The following AFDN variants were observed in gnomAD, a reference collection of about 807,000 sequenced individuals.
The protein encoded by AFDN is afadin, adherens junction formation factor.
In AFDN, 68 loss-of-function variants were observed where a neutral mutation model predicts 216.6. The ratio of observed to expected loss-of-function variants is 0.31; its 90% confidence interval spans 0.26 to 0.38. AFDN has a LOEUF of 0.38. AFDN is among the 10% of genes least tolerant of loss of function. The pLI is 1.00. For synonymous variants in AFDN, 868 were observed against 853.7 expected, an observed-to-expected ratio of 1.02 and a Z score of -0.29; for missense variants, 2,136 against 2,342.0, an observed-to-expected ratio of 0.91 and a Z score of 1.82.
chr6:167,932,293 C>T, intron 23 of AFDN, among the ~76,000 whole-genome samples: 1 of 152,152 alleles, frequency 6.6e-6, no homozygotes, highest in South Asian at 2.1e-4. Context: ...GACTCGCCTT[C>T]CACACGGTGG....
At chr6:167,858,160 A>G (rs1411483480) in intron 1 of AFDN, among the ~76,000 whole-genome samples, 2 of 152,128 alleles carry the variant, frequency 1.3e-5, no homozygotes, top group Admixed American at 6.6e-5. Context: ...GTTTGGGTAG[A>G]TTTCTAATTC....
chr6:167,851,294 G>A (rs1237316750), intron 1 of AFDN, among the ~76,000 whole-genome samples: 1 of 152,000 alleles, frequency 6.6e-6, no homozygotes, highest in Non-Finnish European at 1.5e-5. Flanking sequence ...TAGGGTCAGG[G>A]GACATCTGCA....
chr6:167,942,169 C>CT (rs1275891569), intron 23 of AFDN, among the ~76,000 whole-genome samples: 1 of 151,594 alleles, frequency 6.6e-6, no homozygotes, highest in African/African-American at 2.4e-5. Context: ...GTAAACTTAA[C>CT]TTGTTAACTA....
rs1797972963 is a variant in AFDN, at chr6:167,970,793, T to A, written c.*858T>A. On this transcript the variant is annotated 3_prime_UTR_variant, in exon 34 of 34. Transcript: ENST00000683244. ...AGAAGATATCTTTATTGGAGCAATG[T>A]TCATGTGACTGGGAATGACAGAAGA... 1 of 219,648 alleles carries A rather than the reference T, an allele frequency of 4.6e-6. No individual in the cohort carries two copies. The highest frequency in any genetic ancestry group is 2.2e-5 in the African/African-American group (1 of 44,530). The allele number at this position is 219,648 out of a possible 1,614,324, so 13.6% of individuals were successfully genotyped here.
In AFDN at chr6:167,864,224, T is replaced by C. The variant is rs190903646; in HGVS notation, c.106-327T>C. 6 of 545,914 alleles carry C rather than the reference T, an allele frequency of 1.1e-5. No individual in the cohort carries two copies. In the African/African-American group the frequency reaches 1.1e-4, roughly 10 times the overall value. 33.8% of individuals were successfully genotyped at this position (545,914 alleles called of 1,614,324 possible). ...AAATAGGGTTAAATAATAGTATCTG[T>C]TGAGCTGCATTCTTATAAATATTGA... is the stretch of plus-strand genomic sequence containing the variant. On this transcript the variant is annotated intron_variant, in intron 1 of 33. Transcript: ENST00000683244.
At position 167,970,632 on chromosome 6, in the gene AFDN, T is replaced by G. The variant is rs1345671651; in HGVS notation, c.*697T>G. The G allele has an allele frequency of 4.8e-6, 1 of 210,196 alleles. No homozygotes were observed. Among genetic ancestry groups the G allele is most frequent in the African/African-American group, 2.3e-5 (1 of 43,964 alleles). 13.0% of individuals were successfully genotyped at this position (210,196 alleles called of 1,614,324 possible). ...ATTAATTTTAATTCTGAAAGAAAAT[T>G]TTGAGGATTTAAGCTTAGGGGATTT... On this transcript the variant is annotated 3_prime_UTR_variant, in exon 34 of 34. Transcript: ENST00000683244.
chr6:167,870,397 G>T lies in AFDN; in HGVS notation c.313G>T (p.Asp105Tyr). 6.3e-7 allele frequency: 1 copy of T among 1,597,122 alleles called. No individual in the cohort carries two copies. Among genetic ancestry groups the T allele is most frequent in the Non-Finnish European group, 8.6e-7 (1 of 1,169,000 alleles). The change falls in exon 3 of 34, where the codon GAT (aspartate) becomes TAT (tyrosine). Residue 105 changes from aspartate (D) to tyrosine (Y), a missense_variant. This residue lies in a region of AFDN where 817 missense variants were observed against 965.7 expected (regional missense o/e 0.85). Coordinates refer to ENST00000683244, the MANE Select transcript of AFDN (RefSeq NM_001386888.1). Reference protein sequence around the residue: ...EVHVSGERRLDIDEKPLVVQL... With the variant: ...EVHVSGERRLYIDEKPLVVQL... ...ATGTTTTGAAGAAGAAAGAAGATTG[G>T]ATATAGATGAGAAACCTCTAGTTGT...
rs1378227362 is a variant in AFDN, at chr6:167,852,346, T to C, written c.106-12205T>C. 2.6e-5 allele frequency among the ~76,000 whole-genome samples: 4 copies of C among 152,234 alleles called. No homozygotes were observed. The East Asian group carries it at 7.7e-4, about 29-fold the overall frequency. On this transcript the variant is annotated intron_variant, in intron 1 of 33. Coordinates refer to ENST00000683244, the MANE Select transcript of AFDN (RefSeq NM_001386888.1). ...GCCATACACTTTGAAAATATTGGGCTACTTTTTCTGTAGAACATCTCTGTT... is the reference window on the plus strand; with the variant it reads ...GCCATACACTTTGAAAATATTGGGCCACTTTTTCTGTAGAACATCTCTGTT...
intron 23 of AFDN, among the ~76,000 whole-genome samples, chr6:167,936,855 A>G (rs1372860241): frequency 6.6e-6 from 1 of 152,216 alleles, no homozygotes; most frequent in Non-Finnish European, 1.5e-5. Context: ...GGTTGAAGGT[A>G]ATTGCCCATA....
At chr6:167,878,569 C>T (rs552947114) in intron 5 of AFDN, among the ~76,000 whole-genome samples, 5 of 149,488 alleles carry the variant, frequency 3.3e-5, no homozygotes, top group African/African-American at 4.9e-5. Context: ...CTTGCATGCA[C>T]GCACGCACAC....
In AFDN at chr6:167,922,843, G is replaced by A. The variant is rs559060585; in HGVS notation, c.2909-13G>A. 40 of 1,578,122 alleles carry A rather than the reference G, an allele frequency of 2.5e-5. No homozygotes were observed. The South Asian group carries it at 4.4e-4, about 17-fold the overall frequency. On this transcript the variant is annotated splice_polypyrimidine_tract_variant and intron_variant, in intron 21 of 33. Coordinates refer to ENST00000683244, the MANE Select transcript of AFDN (RefSeq NM_001386888.1). ...GTGCTTTTTCACTTACAATTTGCTT[G>A]TTTCCTCCTTAGGATTTTGCAGGTT...
In AFDN at chr6:167,914,526, CA is replaced by C; in HGVS notation, c.2205-117del. The C allele has an allele frequency of 9.9e-6, 9 of 905,094 alleles. No homozygotes were observed. The South Asian group carries it at 1.4e-4, about 14-fold the overall frequency. 56.1% of individuals were successfully genotyped at this position (905,094 alleles called of 1,614,324 possible). A position where few individuals can be genotyped will look rare whatever the true frequency, so the allele number is the denominator to read the frequency against. Reference sequence around the variant, plus strand: ...CAGTGAGCTATGTTTCAAGATTCCACATTTTTTTTTTAATGGAAAATATTTT... The same window carrying C: ...CAGTGAGCTATGTTTCAAGATTCCACTTTTTTTTTTAATGGAAAATATTTT... On this transcript the variant is annotated intron_variant, in intron 17 of 33. Coordinates refer to ENST00000683244, the MANE Select transcript of AFDN (RefSeq NM_001386888.1).
At chr6:167,933,869 T>G (rs552443335) in intron 23 of AFDN, among the ~76,000 whole-genome samples, 9 of 152,196 alleles carry the variant, frequency 5.9e-5, no homozygotes, top group Non-Finnish European at 1.0e-4. Flanking sequence ...TACCTGGATG[T>G]AGAATATTGG....
chr6:167,911,261 T>G (rs772509826), intron 14 of AFDN, 23 bp from the exon 15 acceptor site: 2 of 1,608,246 alleles, frequency 1.2e-6, no homozygotes, highest in African/African-American at 2.7e-5. Flanking sequence ...CCTTTTTTCT[T>G]TGTTTTTGAA....
rs992137911 is a variant in AFDN at position 167,827,474 on chromosome 6, G to A, written c.105+237G>A. ...GCGCGGGCCGAGCGGGGGCTGGCGGGGCGCGGCAGTCACCTGTTCCCCTCT... is the reference window on the plus strand; with the variant it reads ...GCGCGGGCCGAGCGGGGGCTGGCGGAGCGCGGCAGTCACCTGTTCCCCTCT... On this transcript the variant is annotated intron_variant, in intron 1 of 33. Transcript: ENST00000683244. 3.6e-3 allele frequency among the ~76,000 whole-genome samples: 525 copies of A among 146,064 alleles called. 2 individuals carry two copies. The highest frequency in any genetic ancestry group is 6.0e-3 in the Non-Finnish European group (395 of 65,648).
chr6:167,943,986 A>G lies in AFDN; in HGVS notation c.3285A>G (p.Glu1095=), dbSNP rs1794987140. 8 of 1,614,180 alleles carry G rather than the reference A, an allele frequency of 5.0e-6. No individual in the cohort carries two copies. The highest frequency in any genetic ancestry group is 6.8e-6 in the Non-Finnish European group (8 of 1,180,014). Reference sequence around the variant, plus strand: ...GAACAAGCTCTGTGGTGACACTGGAAGTAGCAAAGCAGGGTGCCATCTACC... The same window carrying G: ...GAACAAGCTCTGTGGTGACACTGGAGGTAGCAAAGCAGGGTGCCATCTACC... ...MTRTSSVVTL[E]VAKQGAIYHG... is the part of the protein sequence containing the mutation. The change falls in exon 26 of 34, where the codon GAA becomes GAG. Residue 1095 remains glutamate (E), a synonymous_variant. Coordinates refer to ENST00000683244, the MANE Select transcript of AFDN (RefSeq NM_001386888.1).
intron 23 of AFDN, among the ~76,000 whole-genome samples, chr6:167,931,956 G>A (rs1793360905): frequency 6.6e-6 from 1 of 152,188 alleles, no homozygotes; most frequent in African/African-American, 2.4e-5. Flanking sequence ...CAAAGCCTCA[G>A]TTTCCTTGCC....
intron 6 of AFDN, among the ~76,000 whole-genome samples, chr6:167,885,111 C>CATAGAATTGAAG (rs911271813): frequency 2.4e-4 from 36 of 152,312 alleles, no homozygotes; most frequent in African/African-American, 8.7e-4. Flanking sequence ...TCTCAGCCTT[C>CATAGAATTGAAG]ATAGAATTGA....
chr6:167,850,883 G>T (rs200595638), intron 1 of AFDN, among the ~76,000 whole-genome samples: 1 of 4,744 alleles, frequency 2.1e-4, no homozygotes, highest in South Asian at 2.3e-3. Flanking sequence ...ATTTTTTATT[G>T]TGTGTGTGTG....
Sources: allele counts gnomAD v4.1 joint callset (sites outside exome capture counted in the v4.1 genomes callset), GRCh38; gene constraint gnomAD v4.1.1; regional missense constraint gnomAD v4.1.1; transcripts MANE v1.5; gene names NCBI Gene and HGNC (gene_info 2026-07-23, HGNC 2026-07-21).